The following CFAP221 variants were observed in gnomAD, a reference collection of about 807,000 sequenced individuals.
CFAP221 encodes cilia and flagella associated protein 221.
A neutral mutation model predicts 113.1 loss-of-function variants in CFAP221; 97 were observed. The ratio of observed to expected loss-of-function variants is 0.86; its 90% CI spans 0.73 to 1.02. The LOEUF (loss-of-function observed/expected upper bound fraction) is 1.02. Ranked by LOEUF, CFAP221 falls within the 50% of genes least tolerant of loss-of-function variation. The pLI, the probability that CFAP221 is intolerant of heterozygous loss-of-function variation, is 0.00. For synonymous variants in CFAP221, 331 were observed against 354.4 expected, an observed-to-expected ratio of 0.93 and a Z score of 0.74; for missense variants, 1,025 against 1,013.4, an observed-to-expected ratio of 1.01 and a Z score of -0.16.
intron 14 of CFAP221, 26 bp downstream of exon 14, chr2:119,615,735 GTTGAT>G: frequency 1.9e-6 from 3 of 1,547,374 alleles, no homozygotes; most frequent in Non-Finnish European, 2.7e-6. Context: ...AGCTGGAAAT[GTTGAT>G]TTGTTTACTC....
intron 6 of CFAP221, among the ~76,000 whole-genome samples, chr2:119,578,968 G>A (rs6725433): frequency 0.19 from 29,418 of 151,906 alleles, 3,102 homozygotes; most frequent in African/African-American, 0.26. Flanking sequence ...TATTATATTT[G>A]CTTTCTGTAA....
At chr2:119,557,576 C>T (rs1479044108) in intron 3 of CFAP221, among the ~76,000 whole-genome samples, 5 of 152,142 alleles carry the variant, frequency 3.3e-5, no homozygotes, top group African/African-American at 9.7e-5. Flanking sequence ...TCTAGTTAAT[C>T]CATAGATTCT....
intron 21 of CFAP221, among the ~76,000 whole-genome samples, chr2:119,643,151 C>T (rs1050195493): frequency 1.3e-5 from 2 of 152,198 alleles, no homozygotes; most frequent in African/African-American, 2.4e-5. Context: ...TAGCAACTTC[C>T]TATAAATCCA....
chr2:119,569,662 A>T (rs1273380150), intron 6 of CFAP221, among the ~76,000 whole-genome samples: 1 of 151,010 alleles, frequency 6.6e-6, no homozygotes, highest in Non-Finnish European at 1.5e-5. Context: ...CAGTTTTTGG[A>T]TATTCTGTTT....
Position 119,656,530 on chromosome 2 carries a change from G to A in CFAP221, c.*60G>A, listed in dbSNP as rs143427835. ...TCCGTGGGCCACTGTGGCCCCTTGCGTCCATTTACATGCCAGCCATCTCTG... is the reference window on the plus strand; with the variant it reads ...TCCGTGGGCCACTGTGGCCCCTTGCATCCATTTACATGCCAGCCATCTCTG... On this transcript the variant is annotated 3_prime_UTR_variant, in exon 24 of 24. Coordinates refer to ENST00000413369, the MANE Select transcript of CFAP221 (RefSeq NM_001271049.2). 4.0e-4 allele frequency: 473 copies of A among 1,185,918 alleles called. 6 individuals are homozygous for A. The highest frequency in any genetic ancestry group is 2.8e-3 in the South Asian group (214 of 77,624). 73.5% of individuals were successfully genotyped at this position (1,185,918 alleles called of 1,614,324 possible).
At chr2:119,611,248 A>G (rs917146412) in intron 12 of CFAP221, among the ~76,000 whole-genome samples, 1 of 152,092 alleles carries the variant, frequency 6.6e-6, no homozygotes, top group African/African-American at 2.4e-5. Flanking sequence ...CTTTCTATGA[A>G]TGTTAAGTGT....
chr2:119,654,245 G>A (rs974042230), intron 23 of CFAP221, among the ~76,000 whole-genome samples: 2 of 152,092 alleles, frequency 1.3e-5, no homozygotes, highest in African/African-American at 2.4e-5. Flanking sequence ...ATTCCAGTAA[G>A]CATCTGTTTT....
At chr2:119,546,373 A>G in intron 2 of CFAP221, 103 bp downstream of exon 2, 2 of 1,276,282 alleles carry the variant, frequency 1.6e-6, no homozygotes, top group Non-Finnish European at 2.1e-6. Context: ...TATCTATATC[A>G]TTTTATAGGC....
chr2:119,635,913 A>T (rs916655118), intron 19 of CFAP221, among the ~76,000 whole-genome samples: 1 of 152,218 alleles, frequency 6.6e-6, no homozygotes, highest in South Asian at 2.1e-4. Flanking sequence ...CAAGGATTGC[A>T]TAAAGGCACA....
At chr2:119,586,327 C>G (rs1269330394) in intron 6 of CFAP221, among the ~76,000 whole-genome samples, 1 of 152,128 alleles carries the variant, frequency 6.6e-6, no homozygotes, top group Non-Finnish European at 1.5e-5. Flanking sequence ...GAGAGCTCTG[C>G]TCCCCCAGGC....
intron 3 of CFAP221, among the ~76,000 whole-genome samples, chr2:119,555,837 A>G (rs182345823): frequency 5.3e-5 from 8 of 152,320 alleles, no homozygotes; most frequent in African/African-American, 1.4e-4. Flanking sequence ...CTGGGCTCAG[A>G]CAAATCTTTG....
chr2:119,606,918 A>G (rs1384165708), intron 11 of CFAP221, among the ~76,000 whole-genome samples: 2 of 152,138 alleles, frequency 1.3e-5, no homozygotes, highest in African/African-American at 4.8e-5. Flanking sequence ...ACACACCTGC[A>G]TGCACCTTTT....
At chr2:119,581,285 T>A (rs1450138861) in intron 6 of CFAP221, among the ~76,000 whole-genome samples, 1 of 152,200 alleles carries the variant, frequency 6.6e-6, no homozygotes, top group Non-Finnish European at 1.5e-5. Context: ...CACTTAGGAT[T>A]CTTAATGAGA....
At chr2:119,615,509 TAAC>T (rs760110455) in intron 13 of CFAP221, 99 bp from the exon 14 acceptor site, 20 of 863,256 alleles carry the variant, frequency 2.3e-5, no homozygotes, top group Middle Eastern at 2.4e-4. Flanking sequence ...AACAAATAAA[TAAC>T]AACTTGATTT....
intron 8 of CFAP221, among the ~76,000 whole-genome samples, chr2:119,604,121 G>A (rs1483914814): frequency 6.6e-6 from 1 of 152,158 alleles, no homozygotes; most frequent in Admixed American, 6.5e-5. Flanking sequence ...GACCTTGAGA[G>A]CATTTTTCAG....
In CFAP221 at chr2:119,574,173, T is replaced by C. The variant is rs550541132; in HGVS notation, c.527+12059T>C. Among the ~76,000 whole-genome samples, 4 of 152,304 alleles carry C rather than the reference T, an allele frequency of 2.6e-5. No individual in the cohort carries two copies. The East Asian group carries it at 7.7e-4, about 29-fold the overall frequency. ...CTAGACTTTGTGCAAATGGGTCAAT[T>C]GGTTTGCATGAGGCCAAGGGGTGGA... On this transcript the variant is annotated intron_variant, in intron 6 of 23. Transcript: ENST00000413369.
chr2:119,658,849 G>A (rs1688532731), downstream of CFAP221, among the ~76,000 whole-genome samples: 1 of 151,964 alleles, frequency 6.6e-6, no homozygotes, highest in Non-Finnish European at 1.5e-5. Flanking sequence ...AATTTAGCCA[G>A]GCATGGTGGC....
chr2:119,627,219 T>C (rs1686373846), intron 15 of CFAP221, among the ~76,000 whole-genome samples: 1 of 152,106 alleles, frequency 6.6e-6, no homozygotes, highest in Non-Finnish European at 1.5e-5. Flanking sequence ...CAAATGTGTA[T>C]TTTGTTTTTC....
intron 7 of CFAP221, 51 bp from the exon 8 acceptor site, chr2:119,601,167 G>A: frequency 7.0e-7 from 1 of 1,438,228 alleles, no homozygotes; most frequent in Non-Finnish European, 9.2e-7. Context: ...GCATGTGACT[G>A]GACTTGGCAA....
Sources: allele counts gnomAD v4.1 joint callset (sites outside exome capture counted in the v4.1 genomes callset), GRCh38; gene constraint gnomAD v4.1.1; transcripts MANE v1.5; gene names NCBI Gene and HGNC (gene_info 2026-07-23, HGNC 2026-07-21).